The following PPIP5K2 variants were observed in gnomAD, a reference collection of about 807,000 sequenced individuals.
PPIP5K2 encodes inositol hexakisphosphate and diphosphoinositol-pentakisphosphate kinase 2.
PPIP5K2 carries 105 observed loss-of-function variants against 154.6 expected under a neutral mutation model. The observed-to-expected ratio is 0.68, with a 90% CI of 0.58 to 0.80. PPIP5K2 has a LOEUF of 0.80. Ranked by LOEUF, PPIP5K2 falls within the 30% of genes least tolerant of loss-of-function variation. The pLI is 0.00. For missense variants in PPIP5K2, 992 were observed against 1,504.6 expected, an observed-to-expected ratio of 0.66 and a Z score of 5.64; for synonymous variants, 480 against 490.3, an observed-to-expected ratio of 0.98 and a Z score of 0.28.
intron 5 of PPIP5K2, among the ~76,000 whole-genome samples, chr5:103,142,498 G>A (rs1279106637): frequency 1.3e-5 from 2 of 152,250 alleles, no homozygotes; most frequent in Non-Finnish European, 2.9e-5. Flanking sequence ...GTGCAGCGGC[G>A]GGACGAAGGG....
At chr5:103,141,640 C>T (rs907802096) in intron 5 of PPIP5K2, among the ~76,000 whole-genome samples, 2 of 152,128 alleles carry the variant, frequency 1.3e-5, no homozygotes, top group African/African-American at 2.4e-5. Context: ...TACAGAGTTT[C>T]GACACACAGG....
rs533496455 is a variant in PPIP5K2 at position 103,202,667 on chromosome 5, C to A, written c.*1033C>A. On this transcript the variant is annotated 3_prime_UTR_variant, in exon 31 of 31. Coordinates refer to ENST00000358359, the MANE Select transcript of PPIP5K2 (RefSeq NM_001276277.3). ...TTTTGAAGGGATATTGAAATCATTG[C>A]GCTGTGATTTCATCTGTGATGTGAA... 1 of 152,024 alleles carries A rather than the reference C, an allele frequency of 6.6e-6. No individual in the cohort carries two copies. Among genetic ancestry groups the A allele is most frequent in the East Asian group, 1.9e-4 (1 of 5,200 alleles). 9.4% of individuals were successfully genotyped at this position (152,024 alleles called of 1,614,324 possible).
In PPIP5K2 at chr5:103,204,473, C is replaced by A. The variant is rs1380508115; in HGVS notation, c.*2839C>A. ...AACATTTTTCTTTTTTAGACAAGGT[C>A]TCATTCTGTCACCCCAGCTGGAGTG... is the stretch of plus-strand genomic sequence containing the variant. On this transcript the variant is annotated 3_prime_UTR_variant, in exon 31 of 31. Coordinates refer to ENST00000358359, the MANE Select transcript of PPIP5K2 (RefSeq NM_001276277.3). 6.6e-6 allele frequency: 1 copy of A among 152,134 alleles called. No individual in the cohort carries two copies. Among genetic ancestry groups the A allele is most frequent in the Non-Finnish European group, 1.5e-5 (1 of 68,044 alleles). The allele number at this position is 152,134 out of a possible 1,614,324, so 9.4% of individuals were successfully genotyped here. A position where few individuals can be genotyped will look rare whatever the true frequency, so the allele number is the denominator to read the frequency against.
chr5:103,199,579 C>T (rs1802649876), intron 30 of PPIP5K2, among the ~76,000 whole-genome samples: 1 of 150,814 alleles, frequency 6.6e-6, no homozygotes. Flanking sequence ...TTCTCTTTAT[C>T]TTTGCTTTTC....
Position 103,167,308 on chromosome 5 carries a change from C to A in PPIP5K2, c.2050C>A (p.Pro684Thr). 1 of 1,574,008 alleles carries A rather than the reference C, an allele frequency of 6.4e-7. No homozygotes were observed. The highest frequency in any genetic ancestry group is 1.2e-5 in the South Asian group (1 of 83,778). Residue 684 changes from proline to threonine, a missense_variant, in exon 18 of 31, where the codon CCT (proline) becomes ACT (threonine). By Grantham distance (38) the Pro-to-Thr change is conservative. Coordinates refer to ENST00000358359, the MANE Select transcript of PPIP5K2 (RefSeq NM_001276277.3). Reference sequence around the variant, plus strand: ...TCAAATCAGACATCGAATGGAAGATCCTAAATCATCAGGTAAATATGTTTT... The same window carrying A: ...TCAAATCAGACATCGAATGGAAGATACTAAATCATCAGGTAAATATGTTTT... ...TSQIRHRMED[P>T]KSSDIQLYHS...
intron 8 of PPIP5K2, among the ~76,000 whole-genome samples, chr5:103,149,576 G>A (rs139052581): frequency 6.6e-6 from 1 of 151,882 alleles, no homozygotes; most frequent in African/African-American, 2.4e-5. Context: ...GTGTTTTAGG[G>A]TTATTGTCTA....
rs1803365825 is a variant in PPIP5K2, at chr5:103,204,290, T to G, written c.*2656T>G. 1 of 152,024 alleles carries G rather than the reference T, an allele frequency of 6.6e-6. No individual in the cohort carries two copies. The allele number at this position is 152,024 out of a possible 1,614,324, so 9.4% of individuals were successfully genotyped here. A position where few individuals can be genotyped will look rare whatever the true frequency, so the allele number is the denominator to read the frequency against. ...TACAGTGTTTATTAACTTTACATCA[T>G]TTTATCCTTGCCTTACTATCTGGAC... is the stretch of plus-strand genomic sequence containing the variant. On this transcript the variant is annotated 3_prime_UTR_variant, in exon 31 of 31. Transcript: ENST00000358359.
intron 29 of PPIP5K2, among the ~76,000 whole-genome samples, chr5:103,191,515 T>C (rs1554226932): frequency 6.6e-6 from 1 of 152,084 alleles, no homozygotes; most frequent in African/African-American, 2.4e-5. Context: ...CATGGTTAAA[T>C]AAGTTTTAGA....
chr5:103,142,587 C>T (rs1242328435), intron 5 of PPIP5K2, among the ~76,000 whole-genome samples: 2 of 152,112 alleles, frequency 1.3e-5, no homozygotes, highest in South Asian at 2.1e-4. Context: ...ACTGCTAGCA[C>T]GCTGTCACCT....
At chr5:103,157,680 C>T (rs931309019) in intron 14 of PPIP5K2, among the ~76,000 whole-genome samples, 2 of 149,814 alleles carry the variant, frequency 1.3e-5, no homozygotes, top group South Asian at 2.1e-4. Flanking sequence ...CCAGCCAGGG[C>T]GACCAAGCGA....
chr5:103,121,329 C>T (rs1366508575), intron 1 of PPIP5K2, among the ~76,000 whole-genome samples: 2 of 152,160 alleles, frequency 1.3e-5, no homozygotes, highest in Non-Finnish European at 2.9e-5. Flanking sequence ...CATAGTTTGT[C>T]ATTTATTCCT....
Position 103,167,089 on chromosome 5 carries a change from C to A in PPIP5K2, c.1921-90C>A, listed in dbSNP as rs540397228. 9.7e-5 allele frequency: 98 copies of A among 1,008,108 alleles called. No homozygotes were observed. The East Asian group carries it at 2.0e-3, about 21-fold the overall frequency. 62.4% of individuals were successfully genotyped at this position (1,008,108 alleles called of 1,614,324 possible). On this transcript the variant is annotated intron_variant, in intron 17 of 30. Coordinates refer to ENST00000358359, the MANE Select transcript of PPIP5K2 (RefSeq NM_001276277.3). ...TTAATTTCTGCTATGGAATTATTCT[C>A]CAGCTACTGGAAAATTTTGTATATA...
intron 30 of PPIP5K2, among the ~76,000 whole-genome samples, chr5:103,198,330 A>G (rs1554229232): frequency 6.6e-6 from 1 of 152,276 alleles, no homozygotes; most frequent in Non-Finnish European, 1.5e-5. Flanking sequence ...CTAAAAAAAA[A>G]ACCCAAATGT....
intron 5 of PPIP5K2, among the ~76,000 whole-genome samples, chr5:103,141,014 T>A (rs550863290): frequency 1.5e-4 from 23 of 151,932 alleles, no homozygotes; most frequent in African/African-American, 5.3e-4. Context: ...AGTTCATCAA[T>A]CTGATAGAAA....
chr5:103,120,456 C>T lies in PPIP5K2; in HGVS notation c.-317C>T. On this transcript the variant is annotated 5_prime_UTR_variant, in exon 1 of 31. The change creates a premature stop within an existing upstream ORF in the 5' untranslated region. Transcript: ENST00000358359. ...GACCTGAATGGGCTTGACCATCTCA[C>T]AACTGCTCGCGTGACGACCGCATTC... 1 of 456,752 alleles carries T rather than the reference C, an allele frequency of 2.2e-6. No individual in the cohort carries two copies. The highest frequency in any genetic ancestry group is 4.4e-6 in the Non-Finnish European group (1 of 226,962). The allele number at this position is 456,752 out of a possible 1,614,324, so 28.3% of individuals were successfully genotyped here.
At chr5:103,140,765 A>T (rs1412610202) in intron 5 of PPIP5K2, among the ~76,000 whole-genome samples, 3 of 150,402 alleles carry the variant, frequency 2.0e-5, no homozygotes, top group Non-Finnish European at 4.4e-5. Flanking sequence ...TGAACCCGGA[A>T]GGCGGAGCTT....
At chr5:103,154,813 T>A (rs1795149608) in intron 12 of PPIP5K2, 21 bp from the exon 13 acceptor site, 1 of 1,548,012 alleles carries the variant, frequency 6.5e-7, no homozygotes, top group East Asian at 2.3e-5. Context: ...AAATTCAATT[T>A]TTTATTAATT....
chr5:103,139,516 T>TA (rs1472798182), intron 5 of PPIP5K2, among the ~76,000 whole-genome samples: 6 of 152,282 alleles, frequency 3.9e-5, no homozygotes, highest in Non-Finnish European at 7.4e-5. Flanking sequence ...TCATAACACT[T>TA]AGTCTTTTTT....
chr5:103,124,128 A>C (rs1463016010), intron 1 of PPIP5K2, among the ~76,000 whole-genome samples: 1 of 151,976 alleles, frequency 6.6e-6, no homozygotes, highest in African/African-American at 2.4e-5. Context: ...AAAATACAAA[A>C]AATTAGCTGA....
Sources: allele counts gnomAD v4.1 joint callset (sites outside exome capture counted in the v4.1 genomes callset), GRCh38; gene constraint gnomAD v4.1.1; transcripts MANE v1.5; gene names NCBI Gene and HGNC (gene_info 2026-07-23, HGNC 2026-07-21).